The following ITPKB variants were observed in gnomAD, a reference collection of about 807,000 sequenced individuals.
The protein encoded by ITPKB is IP3 3-kinase B.
In ITPKB, 13 loss-of-function variants were observed where a neutral mutation model predicts 69.4. The observed-to-expected ratio is 0.19, with a 90% CI of 0.12 to 0.30. The LOEUF is 0.30. Ranked by LOEUF, ITPKB falls within the 10% of genes least tolerant of loss-of-function variation. ITPKB has a pLI of 1.00. For synonymous variants in ITPKB, 584 were observed against 513.7 expected (o/e 1.14, Z -1.85); for missense variants, 1,240 against 1,250.5 (o/e 0.99, Z 0.13).
intron 2 of ITPKB, among the ~76,000 whole-genome samples, chr1:226,665,985 G>A (rs1043445213): frequency 9.9e-5 from 15 of 152,088 alleles, no homozygotes; most frequent in African/African-American, 3.1e-4. Flanking sequence ...ACAGTGTAGC[G>A]GCCAACTGCA....
At chr1:226,671,612 G>A (rs377759580) in intron 2 of ITPKB, among the ~76,000 whole-genome samples, 6 of 152,342 alleles carry the variant, frequency 3.9e-5, no homozygotes, top group African/African-American at 1.2e-4. Context: ...AGGCAGCTAT[G>A]AGCATCCTGA....
intron 2 of ITPKB, among the ~76,000 whole-genome samples, chr1:226,696,362 C>A (rs979840974): frequency 3.3e-5 from 5 of 152,164 alleles, no homozygotes; most frequent in South Asian, 2.1e-4. Context: ...TCTCTCAACA[C>A]AGATGCTTGG....
At position 226,735,837 on chromosome 1, in the gene ITPKB, G is replaced by A; in HGVS notation, c.1622C>T (p.Ala541Val). The A allele has an allele frequency of 1.2e-6, 2 of 1,608,734 alleles. No individual in the cohort carries two copies. The highest frequency in any genetic ancestry group is 1.7e-6 in the Non-Finnish European group (2 of 1,175,834). ...TWESQRQDSDALPSPELLPQD... is the reference protein window; with the variant it reads ...TWESQRQDSDVLPSPELLPQD... ...GGGTAGCAGCTCCGGACTTGGGAGG[G>A]CATCACTGTCCTGCCGCTGGCTTTC... The change falls in exon 2 of 8, where the codon GCC (alanine) becomes GTC (valine). Residue 541 changes from alanine (A) to valine (V), a missense_variant. Physicochemically the swap from Ala to Val is moderately conservative, Grantham distance 64. This residue lies in a region of ITPKB where 992 missense variants were observed against 853.8 expected (regional missense o/e 1.16). Transcript: ENST00000429204.
intron 2 of ITPKB, among the ~76,000 whole-genome samples, chr1:226,675,759 G>A (rs1284212535): frequency 2.0e-5 from 3 of 152,294 alleles, no homozygotes; most frequent in East Asian, 1.9e-4. Context: ...GATGAAACTC[G>A]TATGTGCTAC....
intron 2 of ITPKB, among the ~76,000 whole-genome samples, chr1:226,670,132 C>T (rs1669585557): frequency 7.6e-6 from 1 of 131,604 alleles, no homozygotes. Context: ...CCTCGCCCTC[C>T]CAAAATGCTG....
At chr1:226,695,874 C>G (rs768048863) in intron 2 of ITPKB, among the ~76,000 whole-genome samples, 6 of 151,892 alleles carry the variant, frequency 4.0e-5, no homozygotes, top group African/African-American at 1.5e-4. Flanking sequence ...GGGGGCAAGA[C>G]AGTAAGATGA....
At chr1:226,667,521 C>A (rs1333167155) in intron 2 of ITPKB, among the ~76,000 whole-genome samples, 3 of 152,206 alleles carry the variant, frequency 2.0e-5, no homozygotes, top group African/African-American at 7.2e-5. Flanking sequence ...GGTCCCACAA[C>A]CAGGGCCAGC....
At position 226,674,523 on chromosome 1, in the gene ITPKB, G is replaced by A. The variant is rs151277148; in HGVS notation, c.1933-25752C>T. ...AATTTTTGTATTTTTAGTTAGAGAC[G>A]GGGTTTCACTATGTTGGCCAGGCTG... is the stretch of plus-strand genomic sequence containing the variant. On this transcript the variant is annotated intron_variant, in intron 2 of 7. Transcript: ENST00000429204. Among the ~76,000 whole-genome samples the A allele has an allele frequency of 4.4e-3, 675 of 152,184 alleles. 4 individuals carry two copies. The highest frequency in any genetic ancestry group is 0.015 in the African/African-American group (641 of 41,514).
At chr1:226,671,768 G>T (rs1245802943) in intron 2 of ITPKB, among the ~76,000 whole-genome samples, 3 of 152,198 alleles carry the variant, frequency 2.0e-5, no homozygotes, top group African/African-American at 4.8e-5. Context: ...CAGACAGAGG[G>T]AGCGGTCAAG....
chr1:226,677,975 A>G (rs534666522), intron 2 of ITPKB, among the ~76,000 whole-genome samples: 30 of 152,300 alleles, frequency 2.0e-4, no homozygotes, highest in African/African-American at 7.0e-4. Context: ...TTTCGCGTGC[A>G]TTATTTAACG....
At chr1:226,685,090 C>A (rs1368517589) in intron 2 of ITPKB, among the ~76,000 whole-genome samples, 5 of 152,226 alleles carry the variant, frequency 3.3e-5, no homozygotes. Flanking sequence ...GAGTTGGCCT[C>A]TGCCCCAAGA....
intron 2 of ITPKB, among the ~76,000 whole-genome samples, chr1:226,722,867 G>A (rs372470958): frequency 1.8e-5 from 1 of 56,950 alleles, no homozygotes; most frequent in East Asian, 5.4e-4. Flanking sequence ...GGCTAGAAAA[G>A]GTTTGAATAG....
chr1:226,639,565 T>C lies in ITPKB; in HGVS notation c.2545A>G (p.Asn849Asp), dbSNP rs142841950. ...GGAGGTGCCAGACTCACCAGGATGTTATGGTTTCCTTTAGTGAACTCTCTG... is the reference window on the plus strand; with the variant it reads ...GGAGGTGCCAGACTCACCAGGATGTCATGGTTTCCTTTAGTGAACTCTCTG... ...AFREFTKGNH[N>D]ILIAYRDRLK... The change falls in exon 6 of 8, where the codon AAC becomes GAC. Residue 849 changes from asparagine (N) to aspartate (D), a missense_variant. By Grantham distance (23) the Asn-to-Asp change is conservative. Coordinates refer to ENST00000429204, the MANE Select transcript of ITPKB (RefSeq NM_002221.4). 82 of 1,605,946 alleles carry C rather than the reference T, an allele frequency of 5.1e-5. No individual in the cohort carries two copies. Among genetic ancestry groups the C allele is most frequent in the Middle Eastern group, 1.6e-4 (1 of 6,076 alleles).
rs373285675 is a variant in ITPKB, at chr1:226,735,574, G to A, written c.1885C>T (p.Pro629Ser). 12 of 1,567,916 alleles carry A rather than the reference G, an allele frequency of 7.7e-6. No homozygotes were observed. Among genetic ancestry groups the A allele is most frequent in the Non-Finnish European group, 1.0e-5 (12 of 1,157,350 alleles). ...AGGGTATGCAGGAAGGCTGAGTTGG[G>A]GTCCAGGGTGCGCTCAGGGTCACTG... ...ISSDPERTLDPNSAFLHTLDQ... is the reference protein window; with the variant it reads ...ISSDPERTLDSNSAFLHTLDQ... Residue 629 changes from proline to serine, a missense_variant, in exon 2 of 8, where the codon CCC becomes TCC. Physicochemically the swap from Pro to Ser is moderately conservative, Grantham distance 74. Around this residue, in one of 2 missense-constraint regions of ITPKB, gnomAD observed 992 missense variants for 853.8 expected, o/e 1.16. Transcript: ENST00000429204.
At chr1:226,690,566 A>T (rs934724570) in intron 2 of ITPKB, among the ~76,000 whole-genome samples, 1 of 152,198 alleles carries the variant, frequency 6.6e-6, no homozygotes, top group Non-Finnish European at 1.5e-5. Flanking sequence ...TTACCCTTTC[A>T]TCAAGAGGCT....
At chr1:226,669,622 CA>C (rs1248444459) in intron 2 of ITPKB, among the ~76,000 whole-genome samples, 2 of 152,090 alleles carry the variant, frequency 1.3e-5, no homozygotes, top group African/African-American at 4.8e-5. Flanking sequence ...CGTGAAAACT[CA>C]AAGTATCAAA....
intron 2 of ITPKB, among the ~76,000 whole-genome samples, chr1:226,680,552 G>A (rs1397538932): frequency 2.0e-5 from 3 of 152,118 alleles, no homozygotes; most frequent in Non-Finnish European, 4.4e-5. Context: ...AGTTATCCAC[G>A]ATTCTTATGA....
chr1:226,678,945 G>A lies in ITPKB; in HGVS notation c.1933-30174C>T, dbSNP rs568854589. Among the ~76,000 whole-genome samples, 91 of 152,336 alleles carry A rather than the reference G, an allele frequency of 6.0e-4. No individual in the cohort carries two copies. The South Asian group carries it at 6.4e-3, about 11-fold the overall frequency. ...GGCATCTCAGGGAGCACGCCTCTGC[G>A]GAGGGCTACTGATGAGGAAGAGACC... On this transcript the variant is annotated intron_variant, in intron 2 of 7. Transcript: ENST00000429204.
Position 226,736,351 on chromosome 1 carries a change from CA to C in ITPKB, c.1107del (p.Lys371ArgfsTer28). On this transcript the variant is annotated frameshift_variant, in exon 2 of 8. Coordinates refer to ENST00000429204, the MANE Select transcript of ITPKB (RefSeq NM_002221.4). LOFTEE classifies it high-confidence loss of function. The stretch of plus-strand genomic sequence containing the variant: ...GGCAGATATCCTTTCCCCATCTTCC[CA>C]GGGGGTTCTCCATCGCGGGGCCCGC... ...ERGGPRDGEP[P>X]GKMGKGYLPC... 6.2e-7 allele frequency: 1 copy of C among 1,612,564 alleles called. No homozygotes were observed. Among genetic ancestry groups the C allele is most frequent in the Non-Finnish European group, 8.5e-7 (1 of 1,179,702 alleles).
Sources: gnomAD v4.1 joint callset for allele counts (sites outside exome capture counted in the v4.1 genomes callset) on GRCh38, gnomAD v4.1.1 for gene constraint, gnomAD v4.1.1 regional missense constraint, MANE v1.5 for transcripts, NCBI Gene and HGNC (gene_info 2026-07-23, HGNC 2026-07-21) for gene names.